Variants in CADM2 observed in about 807,000 individuals in gnomAD.
The protein encoded by CADM2 is immunoglobulin superfamily member 4D.
A neutral mutation model predicts 49.8 loss-of-function variants in CADM2; 12 were observed. That is an observed-to-expected ratio of 0.24 (90% confidence interval 0.15 to 0.39). CADM2 has a LOEUF of 0.39. CADM2 is among the 10% of genes least tolerant of loss of function. The pLI, the probability that CADM2 is intolerant of heterozygous loss-of-function variation, is 1.00. For synonymous variants in CADM2, 214 were observed against 175.4 expected (o/e 1.22, Z -1.74); for missense variants, 378 against 492.3 (o/e 0.77, Z 2.20).
intron 1 of CADM2, among the ~76,000 whole-genome samples, chr3:85,014,747 A>G (rs1308443999): frequency 6.6e-6 from 1 of 152,168 alleles, no homozygotes; most frequent in African/African-American, 2.4e-5. Context: ...TCAGTCTGTC[A>G]TAAGCTTCGG....
At chr3:85,928,964 A>C (rs890373830) in intron 6 of CADM2, among the ~76,000 whole-genome samples, 1 of 152,106 alleles carries the variant, frequency 6.6e-6, no homozygotes, top group Non-Finnish European at 1.5e-5. Context: ...GAAAGGACCA[A>C]TTTTTTAAAG....
At chr3:85,803,500 A>ATAGATAG (rs2072191944) in intron 3 of CADM2, among the ~76,000 whole-genome samples, 7 of 149,422 alleles carry the variant, frequency 4.7e-5, no homozygotes, top group Non-Finnish European at 5.9e-5. Flanking sequence ...TAGATAGATA[A>ATAGATAG]ATAGATAGAT....
At chr3:85,968,277 T>A (rs1024796387) in intron 8 of CADM2, among the ~76,000 whole-genome samples, 1 of 151,652 alleles carries the variant, frequency 6.6e-6, no homozygotes, top group African/African-American at 2.4e-5. Flanking sequence ...AATATGCTGT[T>A]GAACTCTGCA....
chr3:85,545,097 C>T (rs151249039), intron 1 of CADM2, among the ~76,000 whole-genome samples: 21 of 152,022 alleles, frequency 1.4e-4, no homozygotes, highest in Admixed American at 3.3e-4. Flanking sequence ...AAAGACACAA[C>T]GGAAGAAAGC....
At chr3:85,447,005 T>TATAC (rs2037495997) in intron 1 of CADM2, among the ~76,000 whole-genome samples, 1 of 129,486 alleles carries the variant, frequency 7.7e-6, no homozygotes, top group Non-Finnish European at 1.6e-5. Context: ...TATATATATA[T>TATAC]ATATATATAT....
intron 1 of CADM2, among the ~76,000 whole-genome samples, chr3:85,135,004 G>A (rs1325163769): frequency 6.6e-6 from 1 of 151,762 alleles, no homozygotes; most frequent in Non-Finnish European, 1.5e-5. Flanking sequence ...TTCATAATAA[G>A]TATTTTTATT....
At chr3:85,339,299 C>A (rs1045040041) in intron 1 of CADM2, among the ~76,000 whole-genome samples, 2 of 151,236 alleles carry the variant, frequency 1.3e-5, no homozygotes, top group Admixed American at 1.3e-4. Flanking sequence ...TCACTAAGAA[C>A]CCAGCAAAAG....
At chr3:85,391,744 C>T (rs922032735) in intron 1 of CADM2, among the ~76,000 whole-genome samples, 2 of 152,050 alleles carry the variant, frequency 1.3e-5, no homozygotes, top group Admixed American at 1.3e-4. Flanking sequence ...TATTTATTTT[C>T]TCTGAAAAGG....
chr3:85,471,184 A>G (rs567413371), intron 1 of CADM2, among the ~76,000 whole-genome samples: 63 of 152,166 alleles, frequency 4.1e-4, no homozygotes, highest in African/African-American at 1.3e-3. Flanking sequence ...TCGCGTCATC[A>G]CTCAGGGATC....
At chr3:85,365,574 A>T (rs2107297432) in intron 1 of CADM2, among the ~76,000 whole-genome samples, 1 of 152,146 alleles carries the variant, frequency 6.6e-6, no homozygotes, top group Non-Finnish European at 1.5e-5. Flanking sequence ...TCCACTCCTG[A>T]TTTTTTATGT....
chr3:85,319,473 A>T (rs2044547266), intron 1 of CADM2, among the ~76,000 whole-genome samples: 1 of 152,174 alleles, frequency 6.6e-6, no homozygotes, highest in African/African-American at 2.4e-5. Context: ...AAATCTTTCT[A>T]CCATAAAGAC....
At chr3:85,403,363 C>G (rs970191805) in intron 1 of CADM2, among the ~76,000 whole-genome samples, 3 of 152,126 alleles carry the variant, frequency 2.0e-5, no homozygotes, top group African/African-American at 7.2e-5. Flanking sequence ...TTCACATTCT[C>G]TTTCTCAAGG....
chr3:85,155,309 A>G (rs1247497219), intron 1 of CADM2, among the ~76,000 whole-genome samples: 1 of 149,018 alleles, frequency 6.7e-6, no homozygotes, highest in Admixed American at 6.7e-5. Flanking sequence ...GATAAAACAG[A>G]CTTTAAACCA....
intron 1 of CADM2, among the ~76,000 whole-genome samples, chr3:85,572,783 C>A (rs1559919056): frequency 6.6e-6 from 1 of 152,108 alleles, no homozygotes; most frequent in Non-Finnish European, 1.5e-5. Context: ...TTCACTTTTT[C>A]TTTTTGTTCT....
intron 1 of CADM2, among the ~76,000 whole-genome samples, chr3:84,963,487 G>A (rs2030725313): frequency 6.6e-6 from 1 of 152,144 alleles, no homozygotes. Flanking sequence ...TCATTTTGTT[G>A]AGAACTGTGT....
At chr3:85,370,288 C>T (rs946817277) in intron 1 of CADM2, among the ~76,000 whole-genome samples, 8 of 147,764 alleles carry the variant, frequency 5.4e-5, no homozygotes, top group South Asian at 2.2e-4. Context: ...GGTGTGGTGG[C>T]GGGGGCGCCT....
At chr3:85,598,705 T>C (rs146430119) in intron 1 of CADM2, among the ~76,000 whole-genome samples, 22 of 152,096 alleles carry the variant, frequency 1.4e-4, no homozygotes, top group African/African-American at 4.8e-4. Context: ...TAGGTGCTGA[T>C]AATATAGCAG....
In CADM2 at chr3:85,259,793, A is replaced by G. The variant is rs1215264152; in HGVS notation, c.61+300125A>G. On this transcript the variant is annotated intron_variant, in intron 1 of 9. Coordinates refer to ENST00000383699, the MANE Select transcript of CADM2 (RefSeq NM_001167675.2). ...TGATATGGACAATTGTCTCAGTGCTACATTATCACTGACTATAGATTTCCA... is the reference window on the plus strand; with the variant it reads ...TGATATGGACAATTGTCTCAGTGCTGCATTATCACTGACTATAGATTTCCA... Among the ~76,000 whole-genome samples, 4 of 152,264 alleles carry G rather than the reference A, an allele frequency of 2.6e-5. No homozygotes were observed. The East Asian group carries it at 7.7e-4, about 29-fold the overall frequency.
intron 1 of CADM2, among the ~76,000 whole-genome samples, chr3:85,635,251 A>T (rs1166804259): frequency 6.6e-6 from 1 of 152,090 alleles, no homozygotes; most frequent in Non-Finnish European, 1.5e-5. Flanking sequence ...GAGAACACAC[A>T]CATAAGCGGC....
Sources: gnomAD v4.1 joint callset for allele counts (sites outside exome capture counted in the v4.1 genomes callset) on GRCh38, gnomAD v4.1.1 for gene constraint, MANE v1.5 for transcripts, NCBI Gene and HGNC (gene_info 2026-07-23, HGNC 2026-07-21) for gene names.